The following TRIP12 variants were observed in gnomAD, a reference collection of about 807,000 sequenced individuals.
TRIP12 encodes the protein E3 ubiquitin-protein ligase TRIP12.
TRIP12 carries 25 observed loss-of-function variants against 244.2 expected under a neutral mutation model. The observed-to-expected ratio is 0.10, with a 90% CI of 0.07 to 0.14. The LOEUF (loss-of-function observed/expected upper bound fraction) is 0.14, where lower values mean the gene tolerates loss of function less well. Ranked by LOEUF, TRIP12 falls within the 10% of genes least tolerant of loss-of-function variation. The probability of loss-of-function intolerance (pLI) is 1.00; values close to 1 mark genes in which losing one functional copy is unlikely to be tolerated. For synonymous variants in TRIP12, 905 were observed against 873.1 expected (o/e 1.04, Z -0.64); for missense variants, 1,677 against 2,486.4 (o/e 0.67, Z 6.92).
Position 229,795,205 on chromosome 2 carries a change from G to A in TRIP12, c.3942C>T (p.Phe1314=), listed in dbSNP as rs201890048. 33 of 1,613,814 alleles carry A rather than the reference G, an allele frequency of 2.0e-5. No individual in the cohort carries two copies. The highest frequency in any genetic ancestry group is 1.7e-4 in the Admixed American group (10 of 59,972). Residue 1314 remains phenylalanine (F), a synonymous_variant, in exon 26 of 42, where the codon TTC becomes TTT. Coordinates refer to ENST00000675903, the MANE Select transcript of TRIP12 (RefSeq NM_001348323.3). ...MEQFPVKVHD[F]PSGNGTGGSF... ...TGCCTCCTGTCCCATTTCCACTAGG[G>A]AAATCATGTACTTTGACTGGAAATT... is the stretch of plus-strand genomic sequence containing the variant.
At chr2:229,781,418 ATCAT>A (rs1203808793) in intron 34 of TRIP12, among the ~76,000 whole-genome samples, 1 of 152,234 alleles carries the variant, frequency 6.6e-6, no homozygotes. Flanking sequence ...AGCTCATTTT[ATCAT>A]TCTAACAACA....
At chr2:229,878,163 A>G (rs2063992438) in intron 2 of TRIP12, among the ~76,000 whole-genome samples, 1 of 152,180 alleles carries the variant, frequency 6.6e-6, no homozygotes, top group Non-Finnish European at 1.5e-5. Flanking sequence ...CAGAAATCAC[A>G]CACAAAGGCT....
At chr2:229,922,143 C>T (rs992601625), upstream of TRIP12, 1 of 185,646 alleles carries the variant, frequency 5.4e-6, no homozygotes, top group Non-Finnish European at 1.1e-5. Context: ...TACTGGCGGC[C>T]CATCACATCG....
At chr2:229,862,182 T>C (rs935104060) in intron 2 of TRIP12, among the ~76,000 whole-genome samples, 1 of 152,152 alleles carries the variant, frequency 6.6e-6, no homozygotes, top group South Asian at 2.1e-4. Flanking sequence ...TTGTATATAT[T>C]GTGATTTAAT....
At chr2:229,864,043 A>AGT (rs1553712066) in intron 2 of TRIP12, among the ~76,000 whole-genome samples, 1 of 72,052 alleles carries the variant, frequency 1.4e-5, no homozygotes, top group Admixed American at 1.4e-4. Context: ...AGAGAGAGAG[A>AGT]GAGAGTGTGT....
Position 229,792,068 on chromosome 2 carries a change from G to A in TRIP12, c.4216-3C>T. ...CCTGAATTTAGGAACTGAGCAGCCT[G>A]AATAAAGCAAAGCAAAAGCCATTTA... On this transcript the variant is annotated splice_polypyrimidine_tract_variant and splice_region_variant and intron_variant, in intron 28 of 41. Transcript: ENST00000675903. The A allele has an allele frequency of 6.2e-7, 1 of 1,613,932 alleles. No individual in the cohort carries two copies. The highest frequency in any genetic ancestry group is 8.5e-7 in the Non-Finnish European group (1 of 1,179,922).
intron 4 of TRIP12, among the ~76,000 whole-genome samples, chr2:229,847,512 CAT>C (rs1221057047): frequency 6.6e-6 from 1 of 152,198 alleles, no homozygotes; most frequent in African/African-American, 2.4e-5. Flanking sequence ...CAATCTGAGA[CAT>C]AAATCTACAA....
At chr2:229,801,353 G>A (rs1273406170) in intron 21 of TRIP12, among the ~76,000 whole-genome samples, 4 of 152,194 alleles carry the variant, frequency 2.6e-5, no homozygotes, top group Non-Finnish European at 5.9e-5. Context: ...GCCACCAGGT[G>A]GCACCAAATT....
chr2:229,801,401 A>C (rs149161150), intron 21 of TRIP12, among the ~76,000 whole-genome samples: 42 of 152,310 alleles, frequency 2.8e-4, no homozygotes, highest in African/African-American at 9.1e-4. Context: ...GGCTGCCTGC[A>C]CAAGACAATG....
At chr2:229,872,489 G>A (rs928913028) in intron 2 of TRIP12, among the ~76,000 whole-genome samples, 4 of 152,062 alleles carry the variant, frequency 2.6e-5, no homozygotes, top group Non-Finnish European at 5.9e-5. Context: ...GCTTGAACTC[G>A]GGAGGCAGAG....
chr2:229,794,779 G>A (rs1399784967), intron 26 of TRIP12: 2 of 152,314 alleles, frequency 1.3e-5, no homozygotes, highest in Non-Finnish European at 2.9e-5. Flanking sequence ...AAAATACAAA[G>A]TTATAGCCAC....
intron 1 of TRIP12, among the ~76,000 whole-genome samples, chr2:229,913,375 A>G (rs529073590): frequency 3.9e-5 from 6 of 152,250 alleles, no homozygotes; most frequent in Non-Finnish European, 7.3e-5. Flanking sequence ...TATATGAAAC[A>G]TAACAGAACT....
At chr2:229,883,774 T>C (rs570538433) in intron 1 of TRIP12, among the ~76,000 whole-genome samples, 46 of 152,352 alleles carry the variant, frequency 3.0e-4, no homozygotes, top group African/African-American at 9.9e-4. Context: ...ACAACCAACT[T>C]ATTCACTGTT....
At chr2:229,795,752 G>A (rs1236001486) in intron 25 of TRIP12, among the ~76,000 whole-genome samples, 1 of 152,150 alleles carries the variant, frequency 6.6e-6, no homozygotes, top group East Asian at 1.9e-4. Flanking sequence ...CTTTGAAACC[G>A]ACCAAACTCC....
chr2:229,851,134 G>A (rs549923771), intron 4 of TRIP12, among the ~76,000 whole-genome samples: 287 of 152,370 alleles, frequency 1.9e-3, no homozygotes, highest in Non-Finnish European at 3.6e-3. Flanking sequence ...GCAGCTCCAC[G>A]TGCAGCCCCG....
At position 229,814,342 on chromosome 2, in the gene TRIP12, AG is replaced by A. The variant is rs777166976; in HGVS notation, c.1732-18del. ...AACTTGCAGCTGGGAACATATATATAGTTACCATAAGGTTATCATTTAAGTT... is the reference window on the plus strand; with the variant it reads ...AACTTGCAGCTGGGAACATATATATATTACCATAAGGTTATCATTTAAGTT... On this transcript the variant is annotated intron_variant, in intron 11 of 41. Transcript: ENST00000675903. 3 of 1,606,330 alleles carry A rather than the reference AG, an allele frequency of 1.9e-6. No individual in the cohort carries two copies. The South Asian group carries it at 3.3e-5, about 18-fold the overall frequency.
intron 5 of TRIP12, among the ~76,000 whole-genome samples, chr2:229,838,280 C>T (rs2055360031): frequency 6.6e-6 from 1 of 152,230 alleles, no homozygotes; most frequent in Admixed American, 6.5e-5. Context: ...TTCAAATTCA[C>T]TCATTTAAGA....
intron 30 of TRIP12, 74 bp from the exon 31 acceptor site, chr2:229,789,836 A>G: frequency 6.6e-7 from 1 of 1,524,310 alleles, no homozygotes; most frequent in Non-Finnish European, 8.9e-7. Flanking sequence ...AGGTCCTATC[A>G]TCGCTAAAAG....
intron 1 of TRIP12, among the ~76,000 whole-genome samples, chr2:229,897,808 C>T (rs1457403657): frequency 6.6e-6 from 1 of 152,172 alleles, no homozygotes; most frequent in East Asian, 1.9e-4. Context: ...CATTAGACAA[C>T]CATGTTTGCC....
Sources: gnomAD v4.1 joint callset for allele counts (sites outside exome capture counted in the v4.1 genomes callset) on GRCh38, gnomAD v4.1.1 for gene constraint, MANE v1.5 for transcripts, NCBI Gene and HGNC (gene_info 2026-07-23, HGNC 2026-07-21) for gene names.